Variants in CRMP1 observed in about 807,000 individuals in gnomAD.
The protein encoded by CRMP1 is dihydropyrimidinase-related protein 1.
In CRMP1, 19 loss-of-function variants were observed where a neutral mutation model predicts 68.3. The observed-to-expected ratio is 0.28, with a 90% CI of 0.19 to 0.41. The LOEUF is 0.41. Among genes scored for constraint, CRMP1 ranks in the 10% least tolerant of loss-of-function variants. CRMP1 has a pLI of 1.00. For missense variants in CRMP1, 791 were observed against 967.4 expected (o/e 0.82, Z 2.42); for synonymous variants, 439 against 399.6 (o/e 1.10, Z -1.18).
In CRMP1 at chr4:5,889,967, C is replaced by G. The variant is rs993992964; in HGVS notation, c.381+2622G>C. 38 of 1,272,472 alleles carry G rather than the reference C, an allele frequency of 3.0e-5. No individual in the cohort carries two copies. The highest frequency in any genetic ancestry group is 3.7e-5 in the Non-Finnish European group (37 of 996,282). 78.8% of individuals were successfully genotyped at this position (1,272,472 alleles called of 1,614,324 possible). A position where few individuals can be genotyped will look rare whatever the true frequency, so the allele number is the denominator to read the frequency against. ...AGGCTTACAGAGGTAAAATGATGTA[C>G]CCCGGGTGCAAAACATATTAGCTGC... On this transcript the variant is annotated intron_variant, in intron 1 of 13. Transcript: ENST00000324989. This position sits in a 1 kb window ranked among gnomAD's most constrained non-coding sequence, Gnocchi z 4.5.
intron 1 of CRMP1, chr4:5,887,707 G>A: frequency 1.0e-6 from 1 of 985,324 alleles, no homozygotes; most frequent in South Asian, 4.7e-5. Context: ...TCATGGCGCT[G>A]TCCCTAGGTC....
At chr4:5,836,982 T>G in intron 9 of CRMP1, 76 bp from the exon 10 acceptor site, 1 of 1,477,908 alleles carries the variant, frequency 6.8e-7, no homozygotes, top group Non-Finnish European at 9.1e-7. Flanking sequence ...GACAGGTACA[T>G]GCAGCACAGC....
chr4:5,888,703 C>G lies in CRMP1; in HGVS notation c.381+3886G>C, dbSNP rs1269219771. The G allele has an allele frequency of 2.4e-6, 2 of 836,420 alleles. No homozygotes were observed. The highest frequency in any genetic ancestry group is 1.9e-5 in the African/African-American group (1 of 53,876). 51.8% of individuals were successfully genotyped at this position (836,420 alleles called of 1,614,324 possible). ...CCTTGGCGGGCCCTGGCCTCGCTCT[C>G]GCGATCCAGAGAGTATGGTTTTCAG... On this transcript the variant is annotated intron_variant, in intron 1 of 13. Coordinates refer to ENST00000324989, the MANE Select transcript of CRMP1 (RefSeq NM_001014809.3). The surrounding 1 kb of genome is among the most constrained non-coding windows in gnomAD (Gnocchi z 6.4).
rs1274964257 is a variant in CRMP1 at position 5,853,630 on chromosome 4, A to T, written c.821-2161T>A. The stretch of plus-strand genomic sequence containing the variant: ...GAATTGAAATCAGAATACCCAGGGG[A>T]TATCCCCACTCCCGTGTTCATTGAG... On this transcript the variant is annotated intron_variant, in intron 4 of 13. Coordinates refer to ENST00000324989, the MANE Select transcript of CRMP1 (RefSeq NM_001014809.3). The surrounding 1 kb of genome is among the most constrained non-coding windows in gnomAD (Gnocchi z 4.7). Among the ~76,000 whole-genome samples the T allele has an allele frequency of 6.6e-6, 1 of 152,194 alleles. No individual in the cohort carries two copies. Among genetic ancestry groups the T allele is most frequent in the East Asian group, 1.9e-4 (1 of 5,192 alleles).
At chr4:5,878,893 A>T (rs1354041289) in intron 1 of CRMP1, among the ~76,000 whole-genome samples, 1 of 151,862 alleles carries the variant, frequency 6.6e-6, no homozygotes, top group African/African-American at 2.4e-5. Context: ...TCCCACCTCA[A>T]ACCTAACTCT....
At chr4:5,828,335 C>T (rs1577738251) in intron 12 of CRMP1, 154 bp downstream of exon 12, 1 of 984,824 alleles carries the variant, frequency 1.0e-6, no homozygotes, top group East Asian at 1.1e-4. Context: ...GACAGGAGCC[C>T]AGGCCAGCGT....
At chr4:5,876,701 G>A (rs1004095070) in intron 1 of CRMP1, among the ~76,000 whole-genome samples, 8 of 152,016 alleles carry the variant, frequency 5.3e-5, no homozygotes, top group African/African-American at 9.7e-5. Context: ...GCTGATATTC[G>A]CAATTCAAAA....
Position 5,837,630 on chromosome 4 carries a change from AAAAAT to A in CRMP1, c.1311-729_1311-725del, listed in dbSNP as rs1213497115. On this transcript the variant is annotated intron_variant, in intron 9 of 13. Coordinates refer to ENST00000324989, the MANE Select transcript of CRMP1 (RefSeq NM_001014809.3). ...GCGACAAGAGCAAAACGCAGTCTCA[AAAAAT>A]AAAATAAAATAAAATAATAAAATAA... Among the ~76,000 whole-genome samples, 51 of 93,138 alleles carry A rather than the reference AAAAAT, an allele frequency of 5.5e-4. No individual in the cohort carries two copies. The East Asian group carries it at 8.4e-3, about 15-fold the overall frequency. The allele number at this position is 93,138 out of a possible 152,430, so 61.1% of individuals were successfully genotyped here.
At position 5,858,372 on chromosome 4, in the gene CRMP1, A is replaced by C. The variant is rs528668128; in HGVS notation, c.656-2065T>G. ...CCGAGATGACTCAAAAGCTCCCCCAAATGAGAATGTCCAAAACCTCATGCA... is the reference window on the plus strand; with the variant it reads ...CCGAGATGACTCAAAAGCTCCCCCACATGAGAATGTCCAAAACCTCATGCA... On this transcript the variant is annotated intron_variant, in intron 3 of 13. Coordinates refer to ENST00000324989, the MANE Select transcript of CRMP1 (RefSeq NM_001014809.3). This position sits in a 1 kb window ranked among gnomAD's most constrained non-coding sequence, Gnocchi z 5.5. 1.3e-5 allele frequency among the ~76,000 whole-genome samples: 2 copies of C among 151,444 alleles called. No homozygotes were observed. Among genetic ancestry groups the C allele is most frequent in the East Asian group, 3.9e-4 (2 of 5,140 alleles).
At chr4:5,839,762 G>C (rs1711563555) in intron 8 of CRMP1, 84 bp from the exon 9 acceptor site, 2 of 1,434,924 alleles carry the variant, frequency 1.4e-6, no homozygotes, top group Non-Finnish European at 1.9e-6. Context: ...GAAGACTGTG[G>C]AGGGAGAACG....
chr4:5,847,723 A>G (rs1381547498), intron 6 of CRMP1, among the ~76,000 whole-genome samples: 1 of 152,234 alleles, frequency 6.6e-6, no homozygotes, highest in African/African-American at 2.4e-5. Context: ...CTGGAACTAG[A>G]GGGAACTGGT....
intron 11 of CRMP1, 95 bp from the exon 12 acceptor site, chr4:5,828,763 G>A (rs747704441): frequency 2.6e-4 from 354 of 1,384,662 alleles, no homozygotes; most frequent in Non-Finnish European, 3.1e-4. Flanking sequence ...TATCATAAGC[G>A]TGTTCCAATG....
intron 6 of CRMP1, among the ~76,000 whole-genome samples, chr4:5,848,861 G>A (rs1462599155): frequency 6.6e-6 from 1 of 152,056 alleles, no homozygotes; most frequent in African/African-American, 2.4e-5. Flanking sequence ...CCGTCATAAG[G>A]CCCCCACCCT....
chr4:5,857,257 A>G (rs979746713), intron 3 of CRMP1, among the ~76,000 whole-genome samples: 5 of 150,910 alleles, frequency 3.3e-5, no homozygotes, highest in African/African-American at 1.2e-4. Context: ...CATCATCACT[A>G]TCATTATCAC....
In CRMP1 at chr4:5,836,923, A is replaced by C; in HGVS notation, c.1311-17T>G. On this transcript the variant is annotated splice_polypyrimidine_tract_variant and intron_variant, in intron 9 of 13. Coordinates refer to ENST00000324989, the MANE Select transcript of CRMP1 (RefSeq NM_001014809.3). ...AAGTCCCCACTGGCAAGGACAAAAC[A>C]AGGTAGAGTTCAGACCCTAGTTCAT... 6.2e-7 allele frequency: 1 copy of C among 1,600,700 alleles called. No individual in the cohort carries two copies. The highest frequency in any genetic ancestry group is 1.1e-5 in the South Asian group (1 of 88,562).
chr4:5,867,761 G>A (rs1260519884), intron 1 of CRMP1, among the ~76,000 whole-genome samples: 1 of 152,152 alleles, frequency 6.6e-6, no homozygotes, highest in Non-Finnish European at 1.5e-5. Context: ...CAAAGGGGCT[G>A]CCAACCTTAT....
intron 3 of CRMP1, among the ~76,000 whole-genome samples, chr4:5,856,794 TCACCAC>T (rs1201908947): frequency 2.2e-5 from 3 of 135,052 alleles, no homozygotes; most frequent in South Asian, 2.4e-4. Flanking sequence ...AGCACCATCA[TCACCAC>T]CACCACCATC....
intron 6 of CRMP1, among the ~76,000 whole-genome samples, chr4:5,848,684 A>C (rs2152462251): frequency 6.6e-6 from 1 of 152,366 alleles, no homozygotes; most frequent in African/African-American, 2.4e-5. Flanking sequence ...TTTTACAGAA[A>C]ATAAGTGTAT....
chr4:5,860,824 T>C lies in CRMP1; in HGVS notation c.655+202A>G, dbSNP rs1713497250. 6.6e-6 allele frequency among the ~76,000 whole-genome samples: 1 copy of C among 152,196 alleles called. No individual in the cohort carries two copies. The highest frequency in any genetic ancestry group is 6.5e-5 in the Admixed American group (1 of 15,284). On this transcript the variant is annotated intron_variant, in intron 3 of 13. Transcript: ENST00000324989. The surrounding 1 kb of genome is among the most constrained non-coding windows in gnomAD (Gnocchi z 4.2). Reference sequence around the variant, plus strand: ...ATTGGTACCTATAAAACCGTATTGTTTATTAAGCCATCTTCTGTGGCCCCA... The same window carrying C: ...ATTGGTACCTATAAAACCGTATTGTCTATTAAGCCATCTTCTGTGGCCCCA...
Sources: gnomAD v4.1 joint callset for allele counts (sites outside exome capture counted in the v4.1 genomes callset) on GRCh38, gnomAD v4.1.1 for gene constraint, Gnocchi (gnomAD v3.1) non-coding constraint, MANE v1.5 for transcripts, NCBI Gene and HGNC (gene_info 2026-07-23, HGNC 2026-07-21) for gene names.